The following CATSPERT variants were observed in gnomAD, a reference collection of about 807,000 sequenced individuals.
The protein encoded by CATSPERT is catsper channel auxiliary subunit tau.
chr2:201,504,040 T>G, the CATSPERT span, among the ~76,000 whole-genome samples: 1 of 152,364 alleles, frequency 6.6e-6, no homozygotes, highest in Non-Finnish European at 1.5e-5. Context: ...ACCTTATCTT[T>G]CCAGTGGTTC....
the CATSPERT span, among the ~76,000 whole-genome samples, chr2:201,539,511 G>GTTTT: frequency 2.5e-4 from 22 of 89,728 alleles, no homozygotes; most frequent in East Asian, 7.5e-4. Flanking sequence ...TTTTAACGAG[G>GTTTT]TTTTTTTTTT....
the CATSPERT span, among the ~76,000 whole-genome samples, chr2:201,541,536 TATATATATATATATATATATATATATA>T: frequency 6.2e-5 from 1 of 16,168 alleles, no homozygotes; most frequent in African/African-American, 1.6e-4. Flanking sequence ...TGATTTTATA[TATATATATATATATATATATATATATA>T]TATATATATA....
chr2:201,495,823 A>G, the CATSPERT span: 2 of 1,021,042 alleles, frequency 2.0e-6, no homozygotes, highest in Non-Finnish European at 2.9e-6. Flanking sequence ...TTTTAGAACT[A>G]TTGAATTAAA....
the CATSPERT span, chr2:201,547,481 A>ATG: frequency 8.2e-7 from 1 of 1,225,926 alleles, no homozygotes; most frequent in African/African-American, 1.5e-5. Flanking sequence ...AGCTATATAT[A>ATG]GGAGAATGTA....
the CATSPERT span, among the ~76,000 whole-genome samples, chr2:201,575,034 C>CAAAAAAAAAAAAAA: frequency 8.2e-5 from 8 of 97,926 alleles, no homozygotes; most frequent in African/African-American, 2.6e-4. Context: ...CACCATTTAG[C>CAAAAAAAAAAAAAA]AAAAAAAAAA....
chr2:201,581,997 A>T, the CATSPERT span: 1 of 1,416,530 alleles, frequency 7.1e-7, no homozygotes, highest in South Asian at 1.4e-5. Context: ...AAGGCAGATA[A>T]TAAACAAAAA....
At chr2:201,498,334 G>A in the CATSPERT span, among the ~76,000 whole-genome samples, 1 of 152,126 alleles carries the variant, frequency 6.6e-6, no homozygotes, top group Non-Finnish European at 1.5e-5. Context: ...GCAAGTCCCA[G>A]AGTCCAAAGG....
At chr2:201,507,575 G>A in the CATSPERT span, among the ~76,000 whole-genome samples, 1 of 152,168 alleles carries the variant, frequency 6.6e-6, no homozygotes, top group African/African-American at 2.4e-5. Flanking sequence ...GTTATAGTAA[G>A]TAATGTTGTA....
chr2:201,518,766 CAG>C, the CATSPERT span, among the ~76,000 whole-genome samples: 2 of 152,184 alleles, frequency 1.3e-5, no homozygotes, highest in Admixed American at 6.5e-5. Context: ...ACTGGCCATA[CAG>C]GAATGTTGTA....
At chr2:201,569,966 G>A in the CATSPERT span, among the ~76,000 whole-genome samples, 1 of 152,090 alleles carries the variant, frequency 6.6e-6, no homozygotes, top group African/African-American at 2.4e-5. Context: ...TGGATCACTT[G>A]AGCGCAGGAG....
At chr2:201,581,433 C>CATATATATATATATATATATATATAT in the CATSPERT span, among the ~76,000 whole-genome samples, 1 of 77,168 alleles carries the variant, frequency 1.3e-5, no homozygotes, top group African/African-American at 5.5e-5. Flanking sequence ...TACTTAATTT[C>CATATATATATATATATATATATATAT]ATATATATAT....
At chr2:201,559,743 C>T in the CATSPERT span, among the ~76,000 whole-genome samples, 1 of 152,180 alleles carries the variant, frequency 6.6e-6, no homozygotes, top group African/African-American at 2.4e-5. Flanking sequence ...ATGTGCCCCG[C>T]CAATCTGATA....
At chr2:201,595,239 G>A in the CATSPERT span, among the ~76,000 whole-genome samples, 663 of 150,680 alleles carry the variant, frequency 4.4e-3, 5 homozygotes, top group African/African-American at 0.015. Flanking sequence ...CCCAGGCTGG[G>A]GTGCAGTGGC....
At chr2:201,523,653 C>T in the CATSPERT span, among the ~76,000 whole-genome samples, 1 of 151,906 alleles carries the variant, frequency 6.6e-6, no homozygotes, top group African/African-American at 2.4e-5. Context: ...ACTGAAATGC[C>T]GAAATGACAG....
At chr2:201,582,524 A>C in the CATSPERT span, among the ~76,000 whole-genome samples, 10 of 152,270 alleles carry the variant, frequency 6.6e-5, no homozygotes, top group African/African-American at 2.4e-4. Flanking sequence ...TTTTAACACT[A>C]CACAAAAGTT....
the CATSPERT span, among the ~76,000 whole-genome samples, chr2:201,495,519 T>C: frequency 6.6e-6 from 1 of 152,120 alleles, no homozygotes; most frequent in Non-Finnish European, 1.5e-5. Flanking sequence ...TTTTCGTACT[T>C]CTGTGTTATC....
the CATSPERT span, among the ~76,000 whole-genome samples, chr2:201,547,997 T>G: frequency 6.6e-6 from 1 of 152,196 alleles, no homozygotes; most frequent in Non-Finnish European, 1.5e-5. Flanking sequence ...CTATACGTCT[T>G]AGTCAGTTTG....
the CATSPERT span, chr2:201,582,147 T>G: frequency 4.3e-6 from 7 of 1,610,564 alleles, no homozygotes; most frequent in African/African-American, 9.4e-5. Context: ...GAAAGCACGT[T>G]TTTCTCTATT....
At chr2:201,540,130 T>C in the CATSPERT span, among the ~76,000 whole-genome samples, 1 of 152,070 alleles carries the variant, frequency 6.6e-6, no homozygotes, top group Non-Finnish European at 1.5e-5. Context: ...AGAGGTGAGG[T>C]GGCTGCAGAA....
Sources: gnomAD v4.1 joint callset for allele counts (sites outside exome capture counted in the v4.1 genomes callset) on GRCh38, gnomAD v4.1.1 for gene constraint, MANE v1.5 for transcripts, NCBI Gene and HGNC (gene_info 2026-07-23, HGNC 2026-07-21) for gene names.